Variants in DOCK3 observed in about 807,000 individuals in gnomAD.
The protein encoded by DOCK3 is dedicator of cytokinesis 3.
DOCK3 carries 60 observed loss-of-function variants against 265.6 expected under a neutral mutation model. The observed-to-expected ratio is 0.23, with a 90% CI of 0.18 to 0.28. The LOEUF is 0.28. Among genes scored for constraint, DOCK3 ranks in the 10% least tolerant of loss-of-function variants. DOCK3 has a pLI of 1.00. For missense variants in DOCK3, 1,981 were observed against 2,594.3 expected, an observed-to-expected ratio of 0.76 and a Z score of 5.14; for synonymous variants, 881 against 938.0, an observed-to-expected ratio of 0.94 and a Z score of 1.11.
intron 49 of DOCK3, among the ~76,000 whole-genome samples, chr3:51,366,873 T>C (rs1348155603): frequency 6.6e-6 from 1 of 152,256 alleles, no homozygotes; most frequent in African/African-American, 2.4e-5. Flanking sequence ...ATAATTTCTT[T>C]TCTTTTACAT....
intron 3 of DOCK3, among the ~76,000 whole-genome samples, chr3:50,869,661 C>G (rs1475908892): frequency 6.6e-6 from 1 of 151,344 alleles, no homozygotes; most frequent in East Asian, 2.0e-4. Flanking sequence ...TGTGAGCCAC[C>G]ATGTGCGACC....
chr3:51,311,733 A>G (rs907561740), intron 28 of DOCK3, among the ~76,000 whole-genome samples: 1 of 152,244 alleles, frequency 6.6e-6, no homozygotes, highest in Non-Finnish European at 1.5e-5. Context: ...AGAGAGAAGT[A>G]TGAAGGCCAG....
intron 2 of DOCK3, among the ~76,000 whole-genome samples, chr3:50,782,331 C>G (rs1194263050): frequency 3.3e-5 from 4 of 120,148 alleles, no homozygotes; most frequent in Admixed American, 1.1e-4. Flanking sequence ...CGCTCTGTCG[C>G]CCAGGCTGGA....
intron 22 of DOCK3, among the ~76,000 whole-genome samples, chr3:51,256,067 G>T (rs201914713): frequency 6.6e-6 from 1 of 152,198 alleles, no homozygotes; most frequent in South Asian, 2.1e-4. Flanking sequence ...TGTCCTTTCT[G>T]TTTGTTAGTT....
chr3:51,201,678 G>A (rs1158453677), intron 12 of DOCK3, among the ~76,000 whole-genome samples: 1 of 152,122 alleles, frequency 6.6e-6, no homozygotes, highest in Non-Finnish European at 1.5e-5. Flanking sequence ...AGACCTAATA[G>A]ACATCTACAG....
At chr3:50,736,341 A>C (rs1320860868) in intron 1 of DOCK3, among the ~76,000 whole-genome samples, 2 of 152,208 alleles carry the variant, frequency 1.3e-5, no homozygotes, top group Non-Finnish European at 2.9e-5. Flanking sequence ...TGCTGTTGTG[A>C]ATAGTGCCAC....
intron 22 of DOCK3, among the ~76,000 whole-genome samples, chr3:51,250,125 A>G (rs1307289227): frequency 1.3e-5 from 2 of 151,890 alleles, no homozygotes; most frequent in African/African-American, 4.8e-5. Context: ...ACCCAGGGAC[A>G]CAAATGCTGC....
chr3:50,743,131 C>T (rs1230252131), intron 1 of DOCK3, among the ~76,000 whole-genome samples: 24 of 151,304 alleles, frequency 1.6e-4, no homozygotes, highest in Non-Finnish European at 3.4e-4. Flanking sequence ...CCTTTACAGA[C>T]AAGCAAGTGC....
At position 51,358,018 on chromosome 3, in the gene DOCK3, C is replaced by G. The variant is rs372827222; in HGVS notation, c.4825C>G (p.Arg1609Gly). The change falls in exon 46 of 53, where the codon CGG becomes GGG. Residue 1609 changes from arginine to glycine, a missense_variant. Physicochemically the swap from Arg to Gly is moderately radical, Grantham distance 125. Around this residue, in one of 4 missense-constraint regions of DOCK3, gnomAD observed 1,357 missense variants for 1,866.8 expected, o/e 0.73. Coordinates refer to ENST00000266037, the MANE Select transcript of DOCK3 (RefSeq NM_004947.5). ...TGAGAAGTTTGTGCACCCAGAAATG[C>G]GGCCTCTGCATAAGAAGCTAATTGA... ...VHEKFVHPEM[R>G]PLHKKLIDQF... 1 of 1,613,970 alleles carries G rather than the reference C, an allele frequency of 6.2e-7. No individual in the cohort carries two copies.
chr3:51,348,870 C>T lies in DOCK3; in HGVS notation c.3934C>T (p.Pro1312Ser), dbSNP rs1217396204. 1.3e-6 allele frequency: 2 copies of T among 1,582,596 alleles called. No homozygotes were observed. The highest frequency in any genetic ancestry group is 1.7e-6 in the Non-Finnish European group (2 of 1,164,266). The change falls in exon 39 of 53, where the codon CCA (proline) becomes TCA (serine). Residue 1312 changes from proline to serine, a missense_variant. Pro to Ser is a moderately conservative substitution (Grantham distance 74). This residue lies in a region of DOCK3 where 1,357 missense variants were observed against 1,866.8 expected (regional missense o/e 0.73). Transcript: ENST00000266037. ...NKGKSWEFGIPLCRELACQYE... is the reference protein window; with the variant it reads ...NKGKSWEFGISLCRELACQYE... ...GACACAGAGCTGGGAGTTTGGGATC[C>T]CACTGTGCAGGGAGCTGGCGTGTCA... is the stretch of plus-strand genomic sequence containing the variant.
intron 5 of DOCK3, among the ~76,000 whole-genome samples, chr3:50,936,537 C>T (rs765010326): frequency 1.2e-4 from 18 of 151,882 alleles, no homozygotes; most frequent in Non-Finnish European, 2.4e-4. Context: ...AAAATTAAAG[C>T]CAAAGAAGAA....
chr3:50,932,753 T>C (rs1167950197), intron 4 of DOCK3, among the ~76,000 whole-genome samples: 1 of 152,196 alleles, frequency 6.6e-6, no homozygotes, highest in Admixed American at 6.5e-5. Flanking sequence ...CCACACGCTT[T>C]TCATGTCATG....
Position 50,823,581 on chromosome 3 carries a change from C to T in DOCK3, c.122-18094C>T, listed in dbSNP as rs200362057. ...ATGTCTACCTCTTTCTACACAGACA[C>T]GGCAACCATCCTATTTCTCAATCTT... On this transcript the variant is annotated intron_variant, in intron 2 of 52. Transcript: ENST00000266037. Among the ~76,000 whole-genome samples, 679 of 152,348 alleles carry T rather than the reference C, an allele frequency of 4.5e-3. 10 individuals are homozygous for T. The highest frequency in any genetic ancestry group is 0.014 in the African/African-American group (568 of 41,574).
chr3:51,020,289 C>A (rs1305285491), intron 5 of DOCK3, among the ~76,000 whole-genome samples: 1 of 151,452 alleles, frequency 6.6e-6, no homozygotes, highest in Non-Finnish European at 1.5e-5. Context: ...TATCTGTTCA[C>A]GTCTTTTGCC....
chr3:51,052,471 A>C (rs1305910670), intron 5 of DOCK3, among the ~76,000 whole-genome samples: 1 of 152,180 alleles, frequency 6.6e-6, no homozygotes, highest in Non-Finnish European at 1.5e-5. Context: ...CTGTACTCCA[A>C]CCTAGGCAGC....
chr3:51,240,538 G>A (rs1379840974), intron 21 of DOCK3, among the ~76,000 whole-genome samples: 1 of 152,130 alleles, frequency 6.6e-6, no homozygotes, highest in Non-Finnish European at 1.5e-5. Flanking sequence ...TGGTGTTGAA[G>A]TCTCCCTCTA....
chr3:51,209,453 T>C (rs2089392434), intron 13 of DOCK3, among the ~76,000 whole-genome samples: 1 of 152,228 alleles, frequency 6.6e-6, no homozygotes, highest in Admixed American at 6.5e-5. Context: ...GTTCTACATA[T>C]TATATTGTTT....
At chr3:51,118,198 C>T (rs560378075) in intron 9 of DOCK3, among the ~76,000 whole-genome samples, 2 of 152,266 alleles carry the variant, frequency 1.3e-5, no homozygotes, top group Admixed American at 6.5e-5. Flanking sequence ...TTTATTTCTA[C>T]CTTAATTTCA....
chr3:51,225,860 A>G (rs1027098491), intron 15 of DOCK3, 87 bp downstream of exon 15: 1 of 1,476,742 alleles, frequency 6.8e-7, no homozygotes, highest in South Asian at 1.5e-5. Flanking sequence ...ATTCTCTTCA[A>G]GCAGGATTAA....
Sources: allele counts gnomAD v4.1 joint callset (sites outside exome capture counted in the v4.1 genomes callset), GRCh38; gene constraint gnomAD v4.1.1; regional missense constraint gnomAD v4.1.1; transcripts MANE v1.5; gene names NCBI Gene and HGNC (gene_info 2026-07-23, HGNC 2026-07-21).